The following ANKRD11 variants were observed in gnomAD, a reference collection of about 807,000 sequenced individuals.
The protein encoded by ANKRD11 is ankyrin repeat domain-containing protein 11.
A neutral mutation model predicts 195.7 loss-of-function variants in ANKRD11; 17 were observed. The ratio of observed to expected loss-of-function variants is 0.09; its 90% CI spans 0.06 to 0.13. The LOEUF is 0.13. Ranked by LOEUF, ANKRD11 falls within the 10% of genes least tolerant of loss-of-function variation. ANKRD11 has a pLI of 1.00. For missense variants in ANKRD11, 3,735 were observed against 3,566.1 expected (o/e 1.05, Z -1.21); for synonymous variants, 1,953 against 1,528.1 (o/e 1.28, Z -6.49).
chr16:89,284,412 C>A lies in ANKRD11; in HGVS notation c.2130G>T (p.Trp710Cys). The change falls in exon 9 of 13, where the codon TGG (tryptophan) becomes TGT (cysteine). Residue 710 changes from tryptophan (W) to cysteine (C), a missense_variant. Trp to Cys is a radical substitution (Grantham distance 215, BLOSUM62 -2). Coordinates refer to ENST00000301030, the MANE Select transcript of ANKRD11 (RefSeq NM_013275.6). ...TCAGTGATTTTTCATCTTTAAAGAG[C>A]CATTCTTTTTCTTCTAATTTCATTT... ...LSKMKLEEKE[W>C]LFKDEKSLKR... is the part of the protein sequence containing the mutation. 6.2e-7 allele frequency: 1 copy of A among 1,613,572 alleles called. No individual in the cohort carries two copies. Among genetic ancestry groups the A allele is most frequent in the Non-Finnish European group, 8.5e-7 (1 of 1,179,970 alleles).
At chr16:89,417,582 C>A (rs1030018791) in intron 2 of ANKRD11, among the ~76,000 whole-genome samples, 6 of 152,158 alleles carry the variant, frequency 3.9e-5, no homozygotes, top group African/African-American at 9.7e-5. Flanking sequence ...GCGAACCAGG[C>A]TCCCACTCCT....
At chr16:89,389,681 G>A (rs2041084514) in intron 2 of ANKRD11, among the ~76,000 whole-genome samples, 2 of 152,094 alleles carry the variant, frequency 1.3e-5, no homozygotes, top group Admixed American at 6.6e-5. Context: ...ACTCAAACAT[G>A]AGCAAAAACA....
intron 2 of ANKRD11, among the ~76,000 whole-genome samples, chr16:89,350,494 C>T (rs1263364602): frequency 6.6e-6 from 1 of 152,208 alleles, no homozygotes; most frequent in Non-Finnish European, 1.5e-5. Flanking sequence ...TACTGACATA[C>T]ACCACAGAAC....
chr16:89,347,641 T>G (rs1294166809), intron 2 of ANKRD11, among the ~76,000 whole-genome samples: 2 of 151,344 alleles, frequency 1.3e-5, no homozygotes, highest in Non-Finnish European at 2.9e-5. Flanking sequence ...GTTCTCCAGG[T>G]TGTGAAAATG....
intron 1 of ANKRD11, among the ~76,000 whole-genome samples, chr16:89,464,607 T>TAAAAAAAAAAAAAAAAAAAAAAAAA (rs377695519): frequency 8.6e-6 from 1 of 116,408 alleles, no homozygotes; most frequent in Non-Finnish European, 1.7e-5. Context: ...GACTCCATCT[T>TAAAAAAAAAAAAAAAAAAAAAAAAA]AAAAAAAAAA....
At chr16:89,358,275 G>A (rs1431371236) in intron 2 of ANKRD11, among the ~76,000 whole-genome samples, 1 of 152,242 alleles carries the variant, frequency 6.6e-6, no homozygotes, top group Non-Finnish European at 1.5e-5. Context: ...AAGACGTAGA[G>A]CACACAGGCG....
intron 1 of ANKRD11, chr16:89,459,118 T>A: frequency 5.1e-6 from 1 of 195,338 alleles, no homozygotes; most frequent in Non-Finnish European, 1.1e-5. Flanking sequence ...ATGCTAAGAA[T>A]AAATTCTTGA....
At chr16:89,367,218 G>A (rs1008803214) in intron 2 of ANKRD11, among the ~76,000 whole-genome samples, 2 of 152,214 alleles carry the variant, frequency 1.3e-5, no homozygotes, top group Admixed American at 6.5e-5. Context: ...AAACACAACA[G>A]TCCACTCCAC....
intron 3 of ANKRD11, among the ~76,000 whole-genome samples, chr16:89,309,659 C>T (rs2036501943): frequency 6.6e-6 from 1 of 152,244 alleles, no homozygotes; most frequent in African/African-American, 2.4e-5. Flanking sequence ...GGCTCCCATC[C>T]ACCTGGGCTC....
chr16:89,394,366 C>T (rs1266662765), intron 2 of ANKRD11, among the ~76,000 whole-genome samples: 2 of 152,214 alleles, frequency 1.3e-5, no homozygotes, highest in Non-Finnish European at 2.9e-5. Flanking sequence ...CAGTGGCTCC[C>T]GCCCGTAATC....
At chr16:89,421,035 C>G (rs947354545) in intron 1 of ANKRD11, among the ~76,000 whole-genome samples, 1 of 152,238 alleles carries the variant, frequency 6.6e-6, no homozygotes, top group Admixed American at 6.5e-5. Flanking sequence ...AGACAGAGAC[C>G]ATGGAGACAT....
intron 3 of ANKRD11, among the ~76,000 whole-genome samples, chr16:89,312,380 C>G (rs2036654552): frequency 6.6e-6 from 1 of 152,150 alleles, no homozygotes; most frequent in African/African-American, 2.4e-5. Flanking sequence ...AGAGAGGAAT[C>G]ACGCAGGGGA....
chr16:89,288,931 A>G, intron 6 of ANKRD11: 1 of 581,506 alleles, frequency 1.7e-6, no homozygotes, highest in African/African-American at 1.9e-5. Flanking sequence ...ATCTGCGGCA[A>G]TCACCCTAAA....
At chr16:89,324,208 C>G in intron 2 of ANKRD11, 1 of 1,188,112 alleles carries the variant, frequency 8.4e-7, no homozygotes, top group African/African-American at 1.6e-5. Flanking sequence ...GCGCGTTCAG[C>G]ATTACTGGCC....
Position 89,279,243 on chromosome 16 carries a change from G to A in ANKRD11, c.7299C>T (p.Asp2433=), listed in dbSNP as rs1597431951. The A allele has an allele frequency of 6.2e-7, 1 of 1,611,842 alleles. No homozygotes were observed. Among genetic ancestry groups the A allele is most frequent in the South Asian group, 1.1e-5 (1 of 90,962 alleles). ...GGTATTCGAAGTAGGGGTTGGCCCT[G>A]TCGCTGTGGTAGGGCTCGATGGCAT... ...KLDAIEPYHS[D]RANPYFEYLQ... is the part of the protein sequence containing the mutation. The change falls in exon 9 of 13, where the codon GAC becomes GAT. Residue 2433 remains aspartate, a synonymous_variant. Transcript: ENST00000301030. This position sits in a 1 kb window ranked among gnomAD's most constrained non-coding sequence, Gnocchi z 5.6.
At chr16:89,355,228 G>C (rs1317014182) in intron 2 of ANKRD11, among the ~76,000 whole-genome samples, 1 of 151,678 alleles carries the variant, frequency 6.6e-6, no homozygotes, top group East Asian at 1.9e-4. Flanking sequence ...GGCTCACGGA[G>C]GGAGGGCGGA....
intron 3 of ANKRD11, among the ~76,000 whole-genome samples, chr16:89,306,698 T>C (rs74829205): frequency 0.13 from 707 of 5,374 alleles, 152 homozygotes; most frequent in Middle Eastern, 0.5. Context: ...CGCAGACACG[T>C]GCCACCTCCC....
intron 2 of ANKRD11, among the ~76,000 whole-genome samples, chr16:89,398,687 A>G (rs1362079907): frequency 6.6e-6 from 1 of 152,086 alleles, no homozygotes; most frequent in African/African-American, 2.4e-5. Flanking sequence ...GGCTGCAGTG[A>G]GCTATATGAC....
At chr16:89,347,688 T>C (rs1248307759) in intron 2 of ANKRD11, among the ~76,000 whole-genome samples, 1 of 152,168 alleles carries the variant, frequency 6.6e-6, no homozygotes, top group East Asian at 1.9e-4. Flanking sequence ...TATCGGTTTT[T>C]CCTAATTTTC....
Sources: allele counts gnomAD v4.1 joint callset (sites outside exome capture counted in the v4.1 genomes callset), GRCh38; gene constraint gnomAD v4.1.1; non-coding constraint Gnocchi (gnomAD v3.1); transcripts MANE v1.5; gene names NCBI Gene and HGNC (gene_info 2026-07-23, HGNC 2026-07-21).